Variants in SHISA9 observed in about 807,000 individuals in gnomAD.
SHISA9 encodes the protein protein shisa-9.
A neutral mutation model predicts 38.0 loss-of-function variants in SHISA9; 13 were observed. The observed-to-expected ratio is 0.34, with a 90% CI of 0.22 to 0.54. SHISA9 has a LOEUF of 0.54. Ranked by LOEUF, SHISA9 falls within the 20% of genes least tolerant of loss-of-function variation. The pLI, the probability that SHISA9 is intolerant of heterozygous loss-of-function variation, is 0.91. For missense variants in SHISA9, 538 were observed against 575.8 expected, an observed-to-expected ratio of 0.93 and a Z score of 0.67; for synonymous variants, 275 against 242.0, an observed-to-expected ratio of 1.14 and a Z score of -1.27.
At chr16:13,345,942 G>T in the SHISA9 span, among the ~76,000 whole-genome samples, 1 of 139,696 alleles carries the variant, frequency 7.2e-6, no homozygotes, top group African/African-American at 2.6e-5. Flanking sequence ...AATTCTTTAT[G>T]GGGTTGTTTT....
chr16:12,970,442 C>CAA (rs1567357227), intron 2 of SHISA9, among the ~76,000 whole-genome samples: 1 of 41,102 alleles, frequency 2.4e-5, no homozygotes, highest in Non-Finnish European at 4.5e-5. Context: ...TATATATACA[C>CAA]ACATATATAT....
At chr16:13,514,638 C>A in the SHISA9 span, among the ~76,000 whole-genome samples, 4 of 152,040 alleles carry the variant, frequency 2.6e-5, no homozygotes, top group Admixed American at 1.3e-4. Context: ...TAGAAACCTT[C>A]CACAGAGGCA....
chr16:13,472,646 C>G, the SHISA9 span, among the ~76,000 whole-genome samples: 1 of 152,230 alleles, frequency 6.6e-6, no homozygotes, highest in Non-Finnish European at 1.5e-5. Context: ...CCCACCTCGG[C>G]CTCCCAAAGT....
intron 2 of SHISA9, among the ~76,000 whole-genome samples, chr16:13,037,099 C>T (rs1472116511): frequency 2.8e-5 from 2 of 71,814 alleles, no homozygotes; most frequent in East Asian, 2.7e-4. Flanking sequence ...CACACACACA[C>T]ACACACACAG....
intron 2 of SHISA9, among the ~76,000 whole-genome samples, chr16:13,110,274 C>G (rs2073965005): frequency 6.6e-6 from 1 of 152,212 alleles, no homozygotes; most frequent in Non-Finnish European, 1.5e-5. Context: ...CCTCCCATTC[C>G]TGCCACAGCC....
At chr16:12,975,075 G>A (rs958628670) in intron 2 of SHISA9, among the ~76,000 whole-genome samples, 1 of 152,132 alleles carries the variant, frequency 6.6e-6, no homozygotes, top group Non-Finnish European at 1.5e-5. Flanking sequence ...TTGTGACCGG[G>A]CACTGTGTTT....
At chr16:13,118,216 C>T (rs372524314) in intron 2 of SHISA9, among the ~76,000 whole-genome samples, 34 of 148,460 alleles carry the variant, frequency 2.3e-4, no homozygotes, top group Admixed American at 2.3e-3. Flanking sequence ...CAATCTAGAG[C>T]TGGGAGATGA....
chr16:13,093,718 C>T (rs975948632), intron 2 of SHISA9, among the ~76,000 whole-genome samples: 6 of 152,146 alleles, frequency 3.9e-5, no homozygotes, highest in African/African-American at 7.2e-5. Context: ...TCTGGTATTT[C>T]GCTTCGTTGA....
intron 2 of SHISA9, among the ~76,000 whole-genome samples, chr16:13,024,531 C>A (rs2072897519): frequency 6.6e-6 from 1 of 152,210 alleles, no homozygotes; most frequent in Non-Finnish European, 1.5e-5. Flanking sequence ...ATTTGGATTC[C>A]TTACTCCCAC....
intron 2 of SHISA9, among the ~76,000 whole-genome samples, chr16:13,012,220 C>A (rs1167436755): frequency 6.6e-6 from 1 of 152,026 alleles, no homozygotes. Context: ...ACAGAGTGAA[C>A]ATTTTTAAGG....
intron 2 of SHISA9, among the ~76,000 whole-genome samples, chr16:12,923,794 T>C (rs1005464738): frequency 3.3e-5 from 5 of 151,342 alleles, no homozygotes; most frequent in Non-Finnish European, 7.4e-5. Context: ...TGAGCCGAGA[T>C]CACGTCACTG....
the SHISA9 span, among the ~76,000 whole-genome samples, chr16:13,254,251 C>A: frequency 1.3e-5 from 2 of 152,136 alleles, no homozygotes; most frequent in Non-Finnish European, 2.9e-5. Flanking sequence ...GTGATTTGCC[C>A]AAAGCCAAGC....
rs138605531 is a variant in SHISA9, at chr16:13,049,339, G to A, written c.691+132524G>A. Among the ~76,000 whole-genome samples, 90 of 152,224 alleles carry A rather than the reference G, an allele frequency of 5.9e-4. 1 individual carries two copies. The East Asian group carries it at 0.011, about 19-fold the overall frequency. On this transcript the variant is annotated intron_variant, in intron 2 of 4. Transcript: ENST00000558583. ...CTTTCCCCATCTGTAAAATAATCAG[G>A]TTGACCAGATGACGTAGGATTCATT...
At position 13,239,318 on chromosome 16, in the gene SHISA9, G is replaced by A. The variant is rs1295504124; in HGVS notation, c.*3909G>A. On this transcript the variant is annotated 3_prime_UTR_variant, in exon 5 of 5. Transcript: ENST00000558583. ...ACATACGTGTGCATGTGTCTTTATA[G>A]CAGCATGATTTATAGTCCTTTGGGT... 7 of 151,386 alleles carry A rather than the reference G, an allele frequency of 4.6e-5. No homozygotes were observed. Among genetic ancestry groups the A allele is most frequent in the Middle Eastern group, 6.8e-3 (2 of 294 alleles). 9.4% of individuals were successfully genotyped at this position (151,386 alleles called of 1,614,324 possible).
the SHISA9 span, among the ~76,000 whole-genome samples, chr16:13,346,303 G>A: frequency 2.6e-5 from 4 of 152,106 alleles, no homozygotes; most frequent in Admixed American, 6.6e-5. Context: ...CGGCTGCGAC[G>A]CCACCAGATA....
intron 2 of SHISA9, among the ~76,000 whole-genome samples, chr16:12,982,234 A>G (rs200644593): frequency 2.0e-5 from 3 of 152,244 alleles, no homozygotes; most frequent in African/African-American, 7.2e-5. Context: ...TATGGTGGCC[A>G]GTAGCCACAT....
chr16:13,240,366 C>T lies in SHISA9; in HGVS notation c.*4957C>T, dbSNP rs1435633861. 6.6e-6 allele frequency: 1 copy of T among 152,144 alleles called. No homozygotes were observed. The highest frequency in any genetic ancestry group is 1.5e-5 in the Non-Finnish European group (1 of 68,034). The allele number at this position is 152,144 out of a possible 1,614,324, so 9.4% of individuals were successfully genotyped here. A position where few individuals can be genotyped will look rare whatever the true frequency, so the allele number is the denominator to read the frequency against. On this transcript the variant is annotated 3_prime_UTR_variant, in exon 5 of 5. Coordinates refer to ENST00000558583, the MANE Select transcript of SHISA9 (RefSeq NM_001145204.3). The stretch of plus-strand genomic sequence containing the variant: ...ATGTTTATTTGTAAACATATGTATT[C>T]ACTATATTAATATGAATTTCTTACC...
chr16:13,502,587 A>C, the SHISA9 span, among the ~76,000 whole-genome samples: 1 of 152,154 alleles, frequency 6.6e-6, no homozygotes, highest in Non-Finnish European at 1.5e-5. Context: ...TGCATTAGGA[A>C]AGACAGGCCG....
At chr16:13,225,397 G>A (rs955027636) in intron 4 of SHISA9, among the ~76,000 whole-genome samples, 1 of 152,204 alleles carries the variant, frequency 6.6e-6, no homozygotes, top group Admixed American at 6.5e-5. Flanking sequence ...AATAGGTATG[G>A]AGCAGAGGAG....
Sources: gnomAD v4.1 joint callset for allele counts (sites outside exome capture counted in the v4.1 genomes callset) on GRCh38, gnomAD v4.1.1 for gene constraint, MANE v1.5 for transcripts, NCBI Gene and HGNC (gene_info 2026-07-23, HGNC 2026-07-21) for gene names.